The following SPATC1 variants were observed in gnomAD, a reference collection of about 807,000 sequenced individuals.
SPATC1 encodes the protein speriolin.
In SPATC1, 35 loss-of-function variants were observed where a neutral mutation model predicts 36.5. The ratio of observed to expected loss-of-function variants is 0.96; its 90% CI spans 0.73 to 1.27. SPATC1 has a LOEUF of 1.27. Among genes scored for constraint, SPATC1 ranks in the 50% most tolerant of loss-of-function variants. The probability of loss-of-function intolerance (pLI) is 0.00; values close to 1 mark genes in which losing one functional copy is unlikely to be tolerated. For synonymous variants in SPATC1, 361 were observed against 353.6 expected, an observed-to-expected ratio of 1.02 and a Z score of -0.24; for missense variants, 779 against 796.0, an observed-to-expected ratio of 0.98 and a Z score of 0.26.
rs531736981 is a variant in SPATC1 at position 144,012,621 on chromosome 8, G to C, written c.106G>C (p.Glu36Gln). 3.2e-6 allele frequency: 5 copies of C among 1,551,730 alleles called. No individual in the cohort carries two copies. The highest frequency in any genetic ancestry group is 4.9e-5 in the East Asian group (2 of 40,922). The stretch of plus-strand genomic sequence containing the variant: ...GGTGCGGCTCATTCGGGAGAATCAC[G>C]AGCTCAAGTCAGCGATCAAGACTCA... ...KLVRLIRENH[E>Q]LKSAIKTQAG... The change falls in exon 1 of 5, where the codon GAG (glutamate) becomes CAG (glutamine). Residue 36 changes from glutamate to glutamine, a missense_variant. Physicochemically the swap from Glu to Gln is conservative, Grantham distance 29 (BLOSUM62 2). Coordinates refer to ENST00000377470, the MANE Select transcript of SPATC1 (RefSeq NM_198572.3).
At chr8:144,026,542 G>A (rs1020376601) in intron 1 of SPATC1, among the ~76,000 whole-genome samples, 6 of 152,132 alleles carry the variant, frequency 3.9e-5, no homozygotes, top group African/African-American at 1.2e-4. Context: ...TTTCAAAGCC[G>A]CCGCACCATT....
chr8:144,040,414 C>A lies in SPATC1; in HGVS notation c.717C>A (p.Pro239=). 1 of 1,610,050 alleles carries A rather than the reference C, an allele frequency of 6.2e-7. No homozygotes were observed. The highest frequency in any genetic ancestry group is 8.5e-7 in the Non-Finnish European group (1 of 1,178,800). ...TGGCTGAGCCACTCCGCGGAGGCCC[C>A]ACTGGGCCCCAGTCCCCAGCTTGCG... ...LRLAEPLRGG[P]TGPQSPACVV... The change falls in exon 2 of 5, where the codon CCC becomes CCA. Residue 239 remains proline, a synonymous_variant. Transcript: ENST00000377470.
intron 1 of SPATC1, among the ~76,000 whole-genome samples, chr8:144,024,700 C>G (rs1397465255): frequency 2.0e-5 from 3 of 150,978 alleles, no homozygotes; most frequent in African/African-American, 4.9e-5. Flanking sequence ...CTCTCAGGAC[C>G]CTTTTCCCTG....
intron 1 of SPATC1, among the ~76,000 whole-genome samples, chr8:144,037,651 C>T (rs538643594): frequency 1.3e-4 from 19 of 151,934 alleles, no homozygotes; most frequent in South Asian, 4.2e-4. Flanking sequence ...TCTCAAGTAC[C>T]CAGGGACACA....
intron 1 of SPATC1, among the ~76,000 whole-genome samples, chr8:144,017,009 G>A (rs1554753319): frequency 1.3e-5 from 2 of 152,334 alleles, no homozygotes; most frequent in East Asian, 1.9e-4. Flanking sequence ...TGCTATGGGG[G>A]AAATGGATTG....
chr8:144,037,398 T>C (rs1457983831), intron 1 of SPATC1, among the ~76,000 whole-genome samples: 5 of 151,806 alleles, frequency 3.3e-5, no homozygotes, highest in African/African-American at 1.2e-4. Context: ...GGGGAAAAGA[T>C]TGAGAAATCG....
rs76928472 is a variant in SPATC1 at position 144,012,439 on chromosome 8, G to A, written c.-77G>A. ...AGACTCTGCACCCTCCTTCAGCCCA[G>A]GCAAGGCCTGGGGCCCTGGGCAGCC... On this transcript the variant is annotated 5_prime_UTR_variant, in exon 1 of 5. Coordinates refer to ENST00000377470, the MANE Select transcript of SPATC1 (RefSeq NM_198572.3). The A allele has an allele frequency of 1.2e-3, 1,581 of 1,341,840 alleles. 10 individuals are homozygous for A. In the African/African-American group the frequency reaches 0.02, roughly 17 times the overall value. 83.1% of individuals were successfully genotyped at this position (1,341,840 alleles called of 1,614,324 possible).
intron 1 of SPATC1, among the ~76,000 whole-genome samples, chr8:144,021,529 T>C (rs1250873232): frequency 9.9e-6 from 1 of 100,742 alleles, no homozygotes; most frequent in Non-Finnish European, 2.2e-5. Context: ...CTCAGGGCCC[T>C]CTGCCCTCAA....
At chr8:144,026,015 A>C (rs1834669380) in intron 1 of SPATC1, among the ~76,000 whole-genome samples, 1 of 152,168 alleles carries the variant, frequency 6.6e-6, no homozygotes, top group Non-Finnish European at 1.5e-5. Context: ...ATGTACAAAC[A>C]TTACCACAAT....
At chr8:144,044,344 C>G (rs189490788) in intron 4 of SPATC1, among the ~76,000 whole-genome samples, 9 of 151,062 alleles carry the variant, frequency 6.0e-5, no homozygotes, top group Non-Finnish European at 1.3e-4. Flanking sequence ...CTCTGTCGCC[C>G]GGGCTGGAGT....
chr8:144,021,209 TCCCC>T (rs1834521477), intron 1 of SPATC1, among the ~76,000 whole-genome samples: 1 of 125,898 alleles, frequency 7.9e-6, no homozygotes, highest in African/African-American at 3.1e-5. Flanking sequence ...TAGAACCCCC[TCCCC>T]TCAAGACCGC....
intron 1 of SPATC1, among the ~76,000 whole-genome samples, chr8:144,031,738 T>C (rs1304412021): frequency 1.3e-4 from 19 of 150,102 alleles, no homozygotes; most frequent in Non-Finnish European, 2.7e-4. Flanking sequence ...TTTTTTTTTT[T>C]CTGAAGACAG....
chr8:144,046,711 C>T lies in SPATC1; in HGVS notation c.1531C>T (p.Leu511=), dbSNP rs1401268599. 1 of 1,612,542 alleles carries T rather than the reference C, an allele frequency of 6.2e-7. No individual in the cohort carries two copies. Among genetic ancestry groups the T allele is most frequent in the South Asian group, 1.1e-5 (1 of 91,088 alleles). ...GCGCTATGTGAGCGTCATGAACAGG[C>T]TGCAGAGTCTGGGCTACAACGGGCG... ...TQRYVSVMNR[L]QSLGYNGRVH... The change falls in exon 5 of 5, where the codon CTG becomes TTG. Residue 511 remains leucine (L), a synonymous_variant. Coordinates refer to ENST00000377470, the MANE Select transcript of SPATC1 (RefSeq NM_198572.3). This position sits in a 1 kb window ranked among gnomAD's most constrained non-coding sequence, Gnocchi z 6.6.
intron 1 of SPATC1, among the ~76,000 whole-genome samples, chr8:144,017,444 C>T (rs924628326): frequency 6.6e-6 from 1 of 152,144 alleles, no homozygotes; most frequent in Admixed American, 6.5e-5. Flanking sequence ...CCTGGCCCAA[C>T]CCCATTGAGG....
chr8:144,041,009 G>C lies in SPATC1; in HGVS notation c.1208G>C (p.Arg403Pro). 2 of 1,611,830 alleles carry C rather than the reference G, an allele frequency of 1.2e-6. No individual in the cohort carries two copies. The highest frequency in any genetic ancestry group is 1.7e-4 in the Middle Eastern group (1 of 6,060). ...TCCCCGGCTTCAGTCAATGACTCTC[G>C]AGGTCCACGCACCACAGAACCGTCG... is the stretch of plus-strand genomic sequence containing the variant. Reference protein sequence around the residue: ...SSSPASVNDSRGPRTTEPSTK... With the variant: ...SSSPASVNDSPGPRTTEPSTK... Residue 403 changes from arginine to proline, a missense_variant, in exon 3 of 5, where the codon CGA becomes CCA. Transcript: ENST00000377470.
intron 4 of SPATC1, among the ~76,000 whole-genome samples, chr8:144,043,699 T>C (rs547455888): frequency 6.6e-6 from 1 of 151,788 alleles, no homozygotes; most frequent in Non-Finnish European, 1.5e-5. Context: ...TTTTTTTTTT[T>C]TTTTTTTACA....
At chr8:144,031,477 T>G (rs1350771600) in intron 1 of SPATC1, among the ~76,000 whole-genome samples, 3 of 133,088 alleles carry the variant, frequency 2.3e-5, no homozygotes, top group African/African-American at 5.7e-5. Context: ...TTTAGAGAGA[T>G]AGGGTCTCAC....
At chr8:144,039,777 C>T (rs1272551762) in intron 1 of SPATC1, 132 bp from the exon 2 acceptor site, 14 of 941,194 alleles carry the variant, frequency 1.5e-5, no homozygotes, top group Admixed American at 2.5e-5. Flanking sequence ...GAGACCAGGT[C>T]GGACCAGTCA....
chr8:144,040,845 C>G lies in SPATC1; in HGVS notation c.1044C>G (p.Ser348Arg). Residue 348 changes from serine to arginine, a missense_variant, in exon 3 of 5, where the codon AGC becomes AGG. Ser to Arg is a moderately radical substitution (Grantham distance 110). Coordinates refer to ENST00000377470, the MANE Select transcript of SPATC1 (RefSeq NM_198572.3). ...CCCTTGCCCCCCAGGTTGCCACCAG[C>G]TACACACCCTCAAGCACCACCCACA... ...APALAPQVATSYTPSSTTHIA... is the reference protein window; with the variant it reads ...APALAPQVATRYTPSSTTHIA... 6.3e-7 allele frequency: 1 copy of G among 1,579,932 alleles called. No individual in the cohort carries two copies. Among genetic ancestry groups the G allele is most frequent in the Non-Finnish European group, 8.6e-7 (1 of 1,163,276 alleles).
Sources: allele counts gnomAD v4.1 joint callset (sites outside exome capture counted in the v4.1 genomes callset), GRCh38; gene constraint gnomAD v4.1.1; non-coding constraint Gnocchi (gnomAD v3.1); transcripts MANE v1.5; gene names NCBI Gene and HGNC (gene_info 2026-07-23, HGNC 2026-07-21).